The following FARS2 variants were observed in gnomAD, a reference collection of about 807,000 sequenced individuals.
FARS2 encodes phenylalanyl-tRNA synthetase 2, mitochondrial, also known as phenylalanine--tRNA ligase, mitochondrial.
FARS2 carries 40 observed loss-of-function variants against 46.4 expected under a neutral mutation model. That is an observed-to-expected ratio of 0.86 (90% CI 0.67 to 1.12). The LOEUF is 1.12. Ranked by LOEUF, FARS2 falls within the 50% of genes most tolerant of loss-of-function variation. FARS2 has a pLI of 0.00. For synonymous variants in FARS2, 234 were observed against 214.9 expected, an observed-to-expected ratio of 1.09 and a Z score of -0.78; for missense variants, 513 against 567.9, an observed-to-expected ratio of 0.90 and a Z score of 0.98.
At chr6:5,381,356 G>T (rs1450005137) in intron 2 of FARS2, among the ~76,000 whole-genome samples, 1 of 139,910 alleles carries the variant, frequency 7.1e-6, no homozygotes, top group African/African-American at 2.7e-5. Flanking sequence ...TGAGAAATTT[G>T]CATACTCCCC....
intron 6 of FARS2, among the ~76,000 whole-genome samples, chr6:5,721,947 G>A (rs1054423467): frequency 6.6e-6 from 1 of 152,242 alleles, no homozygotes; most frequent in Non-Finnish European, 1.5e-5. Context: ...TTCTCTGTGT[G>A]TGTTTCCCAC....
intron 1 of FARS2, among the ~76,000 whole-genome samples, chr6:5,305,069 G>A (rs1483271347): frequency 2.6e-5 from 4 of 152,208 alleles, no homozygotes; most frequent in Non-Finnish European, 5.9e-5. Context: ...ACCTCACCTG[G>A]TGAGGACAGT....
intron 4 of FARS2, among the ~76,000 whole-genome samples, chr6:5,474,287 T>C (rs1007032710): frequency 2.0e-5 from 3 of 152,228 alleles, no homozygotes; most frequent in Non-Finnish European, 4.4e-5. Flanking sequence ...TATTGACATA[T>C]GTTGGGCAGT....
chr6:5,293,707 A>G (rs9392668), intron 1 of FARS2, among the ~76,000 whole-genome samples: 58,925 of 152,128 alleles, frequency 0.39, 14,145 homozygotes, highest in East Asian at 0.71. Flanking sequence ...TTGTTCATCA[A>G]TGAGAAGGTT....
In FARS2 at chr6:5,559,069, C is replaced by T. The variant is rs561127473; in HGVS notation, c.1065+13729C>T. Among the ~76,000 whole-genome samples the T allele has an allele frequency of 2.6e-4, 40 of 152,168 alleles. No homozygotes were observed. In the South Asian group the frequency reaches 6.0e-3, roughly 23 times the overall value. On this transcript the variant is annotated intron_variant, in intron 5 of 6. Transcript: ENST00000274680. The stretch of plus-strand genomic sequence containing the variant: ...TGTGTGCCTACCAGCCAGCTATTTA[C>T]CTCTGTCAAATCCTAGGATTTTACT...
intron 5 of FARS2, among the ~76,000 whole-genome samples, chr6:5,604,206 G>A (rs554193308): frequency 1.6e-3 from 249 of 152,242 alleles, no homozygotes; most frequent in African/African-American, 5.7e-3. Flanking sequence ...TTGCCAGGGG[G>A]CCCTGACAGA....
intron 1 of FARS2, among the ~76,000 whole-genome samples, chr6:5,338,301 T>C (rs967723669): frequency 2.0e-5 from 3 of 152,202 alleles, no homozygotes; most frequent in African/African-American, 7.2e-5. Flanking sequence ...TGTTTTTCAT[T>C]TCCTGAATTG....
chr6:5,371,259 T>G (rs1759044571), intron 2 of FARS2: 6 of 776,764 alleles, frequency 7.7e-6, no homozygotes, highest in African/African-American at 1.9e-5. Flanking sequence ...GACCTAATCT[T>G]AACTCTAAAC....
chr6:5,466,906 C>G, intron 4 of FARS2: 2 of 985,328 alleles, frequency 2.0e-6, no homozygotes, highest in Non-Finnish European at 2.4e-6. Context: ...ACATGGGCAC[C>G]TCGGCCTTAT....
chr6:5,668,537 G>C (rs1271427537), intron 6 of FARS2, among the ~76,000 whole-genome samples: 1 of 152,150 alleles, frequency 6.6e-6, no homozygotes. Flanking sequence ...GTTTTTTACT[G>C]TTTAATTCAG....
In FARS2 at chr6:5,513,161, A is replaced by G. The variant is rs77646354; in HGVS notation, c.905-32019A>G. 6.4e-3 allele frequency among the ~76,000 whole-genome samples: 969 copies of G among 152,298 alleles called. 6 individuals are homozygous for G. The highest frequency in any genetic ancestry group is 0.01 in the Non-Finnish European group (698 of 68,022). On this transcript the variant is annotated intron_variant, in intron 4 of 6. Transcript: ENST00000274680. ...AGAAACTAGGTTCACGAAGGAATCC[A>G]GAGGTCAAAATCAGCAAGTCCTAGT...
chr6:5,529,842 T>C (rs1253786512), intron 4 of FARS2, among the ~76,000 whole-genome samples: 1 of 152,118 alleles, frequency 6.6e-6, no homozygotes, highest in Non-Finnish European at 1.5e-5. Flanking sequence ...TGGGGCTTGC[T>C]CTCTTGATGC....
At chr6:5,691,515 A>C (rs1312334348) in intron 6 of FARS2, among the ~76,000 whole-genome samples, 1 of 152,196 alleles carries the variant, frequency 6.6e-6, no homozygotes, top group Non-Finnish European at 1.5e-5. Context: ...ATACTGGTGA[A>C]CAGCAAATGT....
At chr6:5,705,567 C>CA in intron 6 of FARS2, among the ~76,000 whole-genome samples, 1 of 152,262 alleles carries the variant, frequency 6.6e-6, no homozygotes, top group South Asian at 2.1e-4. Flanking sequence ...GCAGCCTTGA[C>CA]ACCTGGCCGC....
intron 4 of FARS2, among the ~76,000 whole-genome samples, chr6:5,437,430 T>G (rs1208195469): frequency 2.0e-5 from 3 of 152,184 alleles, no homozygotes; most frequent in Non-Finnish European, 2.9e-5. Context: ...ACTCTATCAG[T>G]TGCTCAGAAA....
intron 6 of FARS2, among the ~76,000 whole-genome samples, chr6:5,629,000 G>A (rs1198472824): frequency 6.6e-6 from 1 of 152,210 alleles, no homozygotes; most frequent in Non-Finnish European, 1.5e-5. Flanking sequence ...ACAGGGTTGA[G>A]GCTGAGGTGA....
chr6:5,349,468 A>G (rs1344198580), intron 1 of FARS2, among the ~76,000 whole-genome samples: 2 of 152,196 alleles, frequency 1.3e-5, no homozygotes, highest in Non-Finnish European at 2.9e-5. Flanking sequence ...TCTTACAAAC[A>G]TCCTCGATGA....
chr6:5,318,489 G>C (rs906024311), intron 1 of FARS2, among the ~76,000 whole-genome samples: 1 of 151,920 alleles, frequency 6.6e-6, no homozygotes, highest in African/African-American at 2.4e-5. Context: ...ATCTGGTCAG[G>C]TTTTTATCAG....
At chr6:5,557,077 G>C (rs753228835) in intron 5 of FARS2, among the ~76,000 whole-genome samples, 4 of 152,164 alleles carry the variant, frequency 2.6e-5, no homozygotes, top group Non-Finnish European at 5.9e-5. Context: ...ATAGGGACCA[G>C]AAGGAACCGG....
Sources: gnomAD v4.1 joint callset for allele counts (sites outside exome capture counted in the v4.1 genomes callset) on GRCh38, gnomAD v4.1.1 for gene constraint, MANE v1.5 for transcripts, NCBI Gene and HGNC (gene_info 2026-07-23, HGNC 2026-07-21) for gene names.